The following DOCK5 variants were observed in gnomAD, a reference collection of about 807,000 sequenced individuals.
The protein encoded by DOCK5 is dedicator of cytokinesis protein 5.
In DOCK5, 142 loss-of-function variants were observed where a neutral mutation model predicts 251.8. The ratio of observed to expected loss-of-function variants is 0.56; its 90% CI spans 0.49 to 0.65. The LOEUF is 0.65. Ranked by LOEUF, DOCK5 falls within the 30% of genes least tolerant of loss-of-function variation. The probability of loss-of-function intolerance (pLI) is 0.00; values close to 1 mark genes in which losing one functional copy is unlikely to be tolerated. For missense variants in DOCK5, 2,111 were observed against 2,312.3 expected, an observed-to-expected ratio of 0.91 and a Z score of 1.79; for synonymous variants, 842 against 835.5, an observed-to-expected ratio of 1.01 and a Z score of -0.13.
At chr8:25,271,106 G>A (rs1030919549) in intron 3 of DOCK5, 8 of 342,244 alleles carry the variant, frequency 2.3e-5, no homozygotes, top group African/African-American at 1.7e-4. Flanking sequence ...TGCCATTGTT[G>A]TTGGCTTTGA....
Position 25,380,322 on chromosome 8 carries a change from C to T in DOCK5, c.3954C>T (p.Ile1318=), listed in dbSNP as rs1801042668. 1 of 1,611,310 alleles carries T rather than the reference C, an allele frequency of 6.2e-7. No homozygotes were observed. The highest frequency in any genetic ancestry group is 8.5e-7 in the Non-Finnish European group (1 of 1,178,772). Residue 1318 remains isoleucine, a synonymous_variant, in exon 39 of 52, where the codon ATC becomes ATT. Coordinates refer to ENST00000276440, the MANE Select transcript of DOCK5 (RefSeq NM_024940.8). ...FDKGKMWEKA[I]KLSKELAETY... Reference sequence around the variant, plus strand: ...TTCTGAAGATGTGGGAGAAGGCCATCAAGCTGAGCAAAGAGTTGGCTGAGA... The same window carrying T: ...TTCTGAAGATGTGGGAGAAGGCCATTAAGCTGAGCAAAGAGTTGGCTGAGA...
intron 35 of DOCK5, among the ~76,000 whole-genome samples, chr8:25,373,282 G>A (rs987314304): frequency 3.9e-5 from 6 of 152,190 alleles, no homozygotes; most frequent in Non-Finnish European, 7.3e-5. Flanking sequence ...ACAGGCGTGA[G>A]CCACCGCACC....
chr8:25,395,428 C>A, intron 44 of DOCK5, 115 bp from the exon 45 acceptor site: 1 of 1,165,720 alleles, frequency 8.6e-7, no homozygotes, highest in Non-Finnish European at 1.2e-6. Flanking sequence ...GCAAATCTTC[C>A]CTTTTCTATA....
Position 25,187,329 on chromosome 8 carries a change from G to A in DOCK5, c.43+2378G>A, listed in dbSNP as rs192555190. ...TATATATGCGTATATGTGTGTGTGT[G>A]TATATATATATGTATATGGAAATAT... On this transcript the variant is annotated intron_variant, in intron 1 of 51. Transcript: ENST00000276440. Among the ~76,000 whole-genome samples the A allele has an allele frequency of 9.6e-5, 14 of 146,400 alleles. No individual in the cohort carries two copies. The South Asian group carries it at 1.5e-3, about 15-fold the overall frequency.
intron 1 of DOCK5, among the ~76,000 whole-genome samples, chr8:25,194,215 G>T (rs1190688346): frequency 6.6e-6 from 1 of 151,684 alleles, no homozygotes; most frequent in Non-Finnish European, 1.5e-5. Flanking sequence ...AATTGCTTCA[G>T]CCCAGGAGGC....
intron 50 of DOCK5, 73 bp from the exon 51 acceptor site, chr8:25,410,026 G>C (rs148310978): frequency 2.3e-6 from 3 of 1,299,220 alleles, no homozygotes; most frequent in Non-Finnish European, 2.2e-6. Flanking sequence ...AGGTGTTACA[G>C]TGCCAGCAAC....
chr8:25,409,860 A>T (rs909899349), intron 50 of DOCK5: 5 of 379,266 alleles, frequency 1.3e-5, no homozygotes, highest in Non-Finnish European at 2.4e-5. Context: ...AAACAAAAAT[A>T]AAAAAAATAA....
At chr8:25,282,230 CTTT>C (rs1352155622) in intron 5 of DOCK5, among the ~76,000 whole-genome samples, 1 of 145,814 alleles carries the variant, frequency 6.9e-6, no homozygotes. Context: ...GTGGCTTTCT[CTTT>C]TTTTTTTTTC....
At chr8:25,382,609 A>C in intron 39 of DOCK5, 65 bp from the exon 40 acceptor site, 1 of 1,307,548 alleles carries the variant, frequency 7.6e-7, no homozygotes, top group Non-Finnish European at 1.1e-6. Context: ...ACAAAGTCTG[A>C]CTTTTTTTTT....
Position 25,275,442 on chromosome 8 carries a change from G to A in DOCK5, c.224+1G>A. On this transcript the variant is annotated splice_donor_variant, in intron 4 of 51. Coordinates refer to ENST00000276440, the MANE Select transcript of DOCK5 (RefSeq NM_024940.8). LOFTEE classifies it high-confidence loss of function. ...AAGAGGCAACTGTGGAAGACCTGGG[G>A]TAAGTTCCAAGCTAGGAAGATTCCC... 6.2e-7 allele frequency: 1 copy of A among 1,609,638 alleles called. No individual in the cohort carries two copies. Among genetic ancestry groups the A allele is most frequent in the South Asian group, 1.1e-5 (1 of 90,266 alleles).
At chr8:25,224,150 G>A (rs966868611) in intron 1 of DOCK5, among the ~76,000 whole-genome samples, 2 of 152,030 alleles carry the variant, frequency 1.3e-5, no homozygotes, top group Non-Finnish European at 2.9e-5. Context: ...ACAGAGTCTT[G>A]CTCTCTTGCC....
rs1349449398 is a variant in DOCK5, at chr8:25,411,198, C to T, written c.5513C>T (p.Ala1838Val). 3.8e-6 allele frequency: 6 copies of T among 1,568,252 alleles called. No homozygotes were observed. Among genetic ancestry groups the T allele is most frequent in the Non-Finnish European group, 5.2e-6 (6 of 1,159,550 alleles). ...EGSQRNSTELAPPLPVRREAK... is the reference protein window; with the variant it reads ...EGSQRNSTELVPPLPVRREAK... ...TTTGTGTTTCTGCTTCTGCAGCTCG[C>T]TCCCCCACTGCCTGTCCGAAGAGAA... Residue 1838 changes from alanine to valine, a missense_variant, in exon 52 of 52, where the codon GCT becomes GTT. By Grantham distance (64) the Ala-to-Val change is moderately conservative. Around this residue, in one of 3 missense-constraint regions of DOCK5, gnomAD observed 1,717 missense variants for 1,892.4 expected, o/e 0.91. Transcript: ENST00000276440.
At chr8:25,186,504 G>A (rs1426501330) in intron 1 of DOCK5, among the ~76,000 whole-genome samples, 4 of 151,898 alleles carry the variant, frequency 2.6e-5, no homozygotes, top group East Asian at 3.9e-4. Flanking sequence ...CCCCCTCCCC[G>A]AGTAGCTGGG....
chr8:25,225,926 A>G (rs1460427691), intron 1 of DOCK5, among the ~76,000 whole-genome samples: 2 of 152,174 alleles, frequency 1.3e-5, no homozygotes, highest in Non-Finnish European at 2.9e-5. Flanking sequence ...GAATGAGTGT[A>G]GAGTTACACT....
intron 30 of DOCK5, among the ~76,000 whole-genome samples, chr8:25,366,426 G>A (rs1800775840): frequency 6.6e-6 from 1 of 152,176 alleles, no homozygotes; most frequent in Admixed American, 6.5e-5. Flanking sequence ...GGCGGAGGTT[G>A]CAGTGAGCCG....
intron 26 of DOCK5, among the ~76,000 whole-genome samples, chr8:25,350,880 G>A (rs187207213): frequency 6.6e-6 from 1 of 152,178 alleles, no homozygotes; most frequent in African/African-American, 2.4e-5. Context: ...TCACGATGGG[G>A]GTTAGGGCTT....
At chr8:25,235,304 A>G (rs924425219) in intron 1 of DOCK5, among the ~76,000 whole-genome samples, 4 of 152,130 alleles carry the variant, frequency 2.6e-5, no homozygotes, top group Non-Finnish European at 1.5e-5. Flanking sequence ...ATCTCAGCTC[A>G]CTGTAGCCTC....
In DOCK5 at chr8:25,351,720, GT is replaced by G. The variant is rs1350408768; in HGVS notation, c.2755-9del. 6.2e-7 allele frequency: 1 copy of G among 1,610,140 alleles called. No homozygotes were observed. Among genetic ancestry groups the G allele is most frequent in the Non-Finnish European group, 8.5e-7 (1 of 1,177,406 alleles). On this transcript the variant is annotated splice_polypyrimidine_tract_variant and intron_variant, in intron 26 of 51. Transcript: ENST00000276440. Reference sequence around the variant, plus strand: ...CAGAAGGAATGGAGTCAAATCCTGTGTTCCCTGCAGGGTGCCACTGCGGTGC... The same window carrying G: ...CAGAAGGAATGGAGTCAAATCCTGTGTCCCTGCAGGGTGCCACTGCGGTGC...
intron 2 of DOCK5, among the ~76,000 whole-genome samples, chr8:25,264,219 G>A (rs1478731186): frequency 2.0e-5 from 3 of 151,418 alleles, no homozygotes; most frequent in African/African-American, 4.9e-5. Flanking sequence ...AAAAATAGCC[G>A]GGCATGGTGG....
Sources: allele counts gnomAD v4.1 joint callset (sites outside exome capture counted in the v4.1 genomes callset), GRCh38; gene constraint gnomAD v4.1.1; regional missense constraint gnomAD v4.1.1; transcripts MANE v1.5; gene names NCBI Gene and HGNC (gene_info 2026-07-23, HGNC 2026-07-21).